AR: variants seen among roughly 807,000 people sequenced by gnomAD.
The protein encoded by AR is dihydrotestosterone receptor.
Under a neutral mutation model 53.9 loss-of-function variants are expected in AR, and 8 were observed. The observed-to-expected ratio is 0.15, with a 90% CI of 0.09 to 0.27. AR has a LOEUF of 0.27. AR is among the 10% of genes least tolerant of loss of function. The probability of loss-of-function intolerance (pLI) is 1.00; values close to 1 mark genes in which losing one functional copy is unlikely to be tolerated. For synonymous variants in AR, 359 were observed against 316.4 expected (o/e 1.13, Z -1.43); for missense variants, 639 against 742.5 (o/e 0.86, Z 1.62).
Position 67,566,112 on chromosome X carries a change from A to G in AR, c.1616+19350A>G, listed in dbSNP as rs9282610. Among the ~76,000 whole-genome samples, 968 of 112,295 alleles carry G rather than the reference A, an allele frequency of 8.6e-3. 6 individuals are homozygous for G. Among genetic ancestry groups the G allele is most frequent in the Non-Finnish European group, 0.015 (776 of 53,227 alleles). ...CATTCTTTCCAACTTTTGGTTGAAGATTTGTTTTATCACTTGTGAAAATTT... is the reference window on the plus strand; with the variant it reads ...CATTCTTTCCAACTTTTGGTTGAAGGTTTGTTTTATCACTTGTGAAAATTT... On this transcript the variant is annotated intron_variant, in intron 1 of 7. Coordinates refer to ENST00000374690, the MANE Select transcript of AR (RefSeq NM_000044.6).
chrX:67,702,431 G>A (rs1356132882), intron 3 of AR, among the ~76,000 whole-genome samples: 7 of 111,792 alleles, frequency 6.3e-5, no homozygotes, highest in African/African-American at 2.3e-4. Flanking sequence ...TTATTGTGGG[G>A]TTCAGGCCTC....
chrX:67,627,080 G>A (rs971474587), intron 1 of AR, among the ~76,000 whole-genome samples: 4 of 108,991 alleles, frequency 3.7e-5, no homozygotes, highest in African/African-American at 1.0e-4. Context: ...GAATAATGCC[G>A]CAATGAACAT....
rs755706483 is a variant in AR at position 67,552,694 on chromosome X, C to T, written c.1616+5932C>T. Among the ~76,000 whole-genome samples the T allele has an allele frequency of 6.2e-5, 7 of 112,335 alleles. No individual in the cohort carries two copies. The South Asian group carries it at 2.6e-3, about 42-fold the overall frequency. On this transcript the variant is annotated intron_variant, in intron 1 of 7. Coordinates refer to ENST00000374690, the MANE Select transcript of AR (RefSeq NM_000044.6). Reference sequence around the variant, plus strand: ...GGGGTCCATTTCTTCCACATCCTTGCCAACACTTGTTATTCTCTGTCTTTT... The same window carrying T: ...GGGGTCCATTTCTTCCACATCCTTGTCAACACTTGTTATTCTCTGTCTTTT...
chrX:67,686,861 GTCA>G (rs2075969640), intron 3 of AR, among the ~76,000 whole-genome samples: 1 of 110,592 alleles, frequency 9.0e-6, no homozygotes, highest in Non-Finnish European at 1.9e-5. Flanking sequence ...CATGAGTGTT[GTCA>G]CCATTCCAGA....
intron 2 of AR, among the ~76,000 whole-genome samples, chrX:67,667,483 G>A (rs1256242678): frequency 9.0e-6 from 1 of 111,506 alleles, no homozygotes; most frequent in African/African-American, 3.3e-5. Context: ...TTGAAATCAG[G>A]TAATGTGATT....
chrX:67,628,170 G>A (rs1268423499), intron 1 of AR, among the ~76,000 whole-genome samples: 1 of 110,668 alleles, frequency 9.0e-6, no homozygotes, highest in Non-Finnish European at 1.9e-5. Flanking sequence ...CCAATTCTGT[G>A]AAGAAAGTCA....
chrX:67,578,269 C>T (rs2255702), intron 1 of AR, among the ~76,000 whole-genome samples: 37,874 of 110,279 alleles, frequency 0.34, 8,951 homozygotes, highest in African/African-American at 0.86. Flanking sequence ...ATTGGCATAT[C>T]CATCTTAATA....
intron 1 of AR, among the ~76,000 whole-genome samples, chrX:67,567,421 C>T (rs193258704): frequency 1.8e-5 from 2 of 111,435 alleles, no homozygotes; most frequent in Admixed American, 1.9e-4. Context: ...AAAGGCTTTC[C>T]TCCCTTCCTT....
chrX:67,646,294 T>A (rs779142416), intron 2 of AR, among the ~76,000 whole-genome samples: 26 of 111,335 alleles, frequency 2.3e-4, no homozygotes, highest in Admixed American at 5.8e-4. Context: ...GAGGGAGTCC[T>A]ACATTTTCTC....
intron 1 of AR, among the ~76,000 whole-genome samples, chrX:67,632,880 A>G (rs1319326269): frequency 8.9e-6 from 1 of 112,348 alleles, no homozygotes; most frequent in Non-Finnish European, 1.9e-5. Flanking sequence ...TTGAATAGAA[A>G]TTTCTTGATA....
At chrX:67,562,416 T>C (rs1434358091) in intron 1 of AR, among the ~76,000 whole-genome samples, 1 of 108,107 alleles carries the variant, frequency 9.3e-6, no homozygotes, top group East Asian at 2.9e-4. Flanking sequence ...GTTTATTGAA[T>C]TACTTGCTAA....
intron 1 of AR, among the ~76,000 whole-genome samples, chrX:67,598,458 T>C (rs749381546): frequency 3.6e-5 from 4 of 110,489 alleles, no homozygotes; most frequent in South Asian, 7.8e-4. Context: ...TTTTTGTATT[T>C]TTAGTAGAGA....
rs374264537 is a variant in AR at position 67,546,005 on chromosome X, T to C, written c.859T>C (p.Leu287=). 22 of 1,210,960 alleles carry C rather than the reference T, an allele frequency of 1.8e-5. No individual in the cohort carries two copies. The highest frequency in any genetic ancestry group is 2.2e-5 in the Non-Finnish European group (20 of 895,426). The change falls in exon 1 of 8, where the codon TTG becomes CTG. Residue 287 remains leucine, a synonymous_variant. Coordinates refer to ENST00000374690, the MANE Select transcript of AR (RefSeq NM_000044.6). ...PAVRPTPCAP[L]AECKGSLLDD... is the part of the protein sequence containing the mutation. ...TGTGCGTCCCACTCCTTGTGCCCCA[T>C]TGGCCGAATGCAAAGGTTCTCTGCT... is the stretch of plus-strand genomic sequence containing the variant.
intron 5 of AR, 26 bp downstream of exon 5, chrX:67,717,648 C>T: frequency 1.7e-5 from 21 of 1,210,794 alleles, no homozygotes; most frequent in Non-Finnish European, 2.3e-5. Flanking sequence ...GCCCAGACCT[C>T]ACTAAAATAC....
At chrX:67,658,638 C>G (rs1010103466) in intron 2 of AR, among the ~76,000 whole-genome samples, 15 of 111,348 alleles carry the variant, frequency 1.3e-4, no homozygotes, top group African/African-American at 4.9e-4. Context: ...TCACTTGAAA[C>G]TAGGGAGAGA....
intron 3 of AR, chrX:67,694,680 C>A: frequency 8.7e-7 from 1 of 1,154,581 alleles, no homozygotes; most frequent in Non-Finnish European, 1.1e-6. Context: ...TAGAAAAATT[C>A]CGGGTTGGCA....
intron 1 of AR, among the ~76,000 whole-genome samples, chrX:67,554,818 C>T (rs1930125139): frequency 9.2e-6 from 1 of 108,387 alleles, no homozygotes; most frequent in Non-Finnish European, 1.9e-5. Context: ...CACCCACAAT[C>T]CCAGCTACTT....
At position 67,629,315 on chromosome X, in the gene AR, T is replaced by G. The variant is rs1414596212; in HGVS notation, c.1617-13941T>G. 3.8e-3 allele frequency among the ~76,000 whole-genome samples: 419 copies of G among 108,948 alleles called. 1 individual carries two copies. The highest frequency in any genetic ancestry group is 0.013 in the African/African-American group (398 of 30,120). 94.6% of individuals were successfully genotyped at this position (108,948 alleles called of 115,157 possible). ...TATTGATTATTGCCACAATTTCAGATCCTGTTATTGGTCTATTCAGAGATT... is the reference window on the plus strand; with the variant it reads ...TATTGATTATTGCCACAATTTCAGAGCCTGTTATTGGTCTATTCAGAGATT... On this transcript the variant is annotated intron_variant, in intron 1 of 7. Transcript: ENST00000374690.
At chrX:67,601,980 C>T (rs1023837143) in intron 1 of AR, among the ~76,000 whole-genome samples, 1 of 111,667 alleles carries the variant, frequency 9.0e-6, no homozygotes, top group African/African-American at 3.3e-5. Context: ...GATTCCTGTG[C>T]TGATAGTCAT....
Sources: gnomAD v4.1 joint callset for allele counts (sites outside exome capture counted in the v4.1 genomes callset) on GRCh38, gnomAD v4.1.1 for gene constraint, MANE v1.5 for transcripts, NCBI Gene and HGNC (gene_info 2026-07-23, HGNC 2026-07-21) for gene names.